PSMD4: variants seen among roughly 807,000 people sequenced by gnomAD.
The protein encoded by PSMD4 is 26S proteasome non-ATPase regulatory subunit 4.
Under a neutral mutation model 39.7 loss-of-function variants are expected in PSMD4, and 5 were observed. That is an observed-to-expected ratio of 0.13 (90% CI 0.07 to 0.26). The LOEUF is 0.26. Ranked by LOEUF, PSMD4 falls within the 10% of genes least tolerant of loss-of-function variation. The pLI, the probability that PSMD4 is intolerant of heterozygous loss-of-function variation, is 1.00. For synonymous variants in PSMD4, 143 were observed against 174.6 expected (o/e 0.82, Z 1.43); for missense variants, 272 against 486.1 (o/e 0.56, Z 4.14).
At chr1:151,265,115 C>T in intron 4 of PSMD4, 51 bp from the exon 5 acceptor site, 4 of 1,377,064 alleles carry the variant, frequency 2.9e-6, no homozygotes, top group Admixed American at 2.5e-5. Flanking sequence ...GGGTCCTTTC[C>T]CCCCCTCGAG....
chr1:151,265,048 T>C, intron 4 of PSMD4, 118 bp from the exon 5 acceptor site: 1 of 1,294,936 alleles, frequency 7.7e-7, no homozygotes, highest in Non-Finnish European at 1.1e-6. Flanking sequence ...GAGAATTCAG[T>C]GATTCTGTTG....
At chr1:151,260,035 C>T (rs1404481052) in intron 1 of PSMD4, among the ~76,000 whole-genome samples, 2 of 151,960 alleles carry the variant, frequency 1.3e-5, no homozygotes, top group Non-Finnish European at 2.9e-5. Context: ...CCCGTCTCTA[C>T]TAAAAATACA....
At chr1:151,260,952 T>TCTCCTGCCTCAAC (rs1693303019) in intron 1 of PSMD4, among the ~76,000 whole-genome samples, 1 of 151,318 alleles carries the variant, frequency 6.6e-6, no homozygotes, top group African/African-American at 2.4e-5. Flanking sequence ...TTCAAGCAAT[T>TCTCCTGCCTCAAC]CTCCTGCCTC....
At chr1:151,255,261 A>T (rs1041810972) in intron 1 of PSMD4, among the ~76,000 whole-genome samples, 3 of 152,084 alleles carry the variant, frequency 2.0e-5, no homozygotes, top group African/African-American at 7.2e-5. Flanking sequence ...CCATTTACAG[A>T]TTGCTTTTTA....
rs764133479 is a variant in PSMD4 at position 151,263,983 on chromosome 1, A to G, written c.237A>G (p.Gln79=). 60 of 1,605,132 alleles carry G rather than the reference A, an allele frequency of 3.7e-5. No homozygotes were observed. The highest frequency in any genetic ancestry group is 5.0e-5 in the Non-Finnish European group (59 of 1,175,896). The change falls in exon 3 of 10, where the codon CAA becomes CAG. Residue 79 remains glutamine, a synonymous_variant. Transcript: ENST00000368884. ...TCCTGTCCAAGCTACATACTGTCCA[A>G]CCCAAGGGCAAGATCACCTTCTGCA... ...GRILSKLHTV[Q]PKGKITFCTG... is the part of the protein sequence containing the mutation.
rs1173569685 is a variant in PSMD4 at position 151,264,821 on chromosome 1, C to T, written c.283-11C>T. 1 of 1,602,404 alleles carries T rather than the reference C, an allele frequency of 6.2e-7. No homozygotes were observed. On this transcript the variant is annotated splice_polypyrimidine_tract_variant and intron_variant, in intron 3 of 9. Coordinates refer to ENST00000368884, the MANE Select transcript of PSMD4 (RefSeq NM_002810.4). ...CTGGTTAACTCTGAGAACTTCCTCT[C>T]CCTTTACAAGCTGGCTCTGAAGCAC...
chr1:151,267,116 C>G, intron 9 of PSMD4, 57 bp from the exon 10 acceptor site: 2 of 1,602,368 alleles, frequency 1.2e-6, no homozygotes, highest in African/African-American at 1.3e-5. Context: ...GTCCTTAACA[C>G]CTGCTTACTT....
intron 3 of PSMD4, among the ~76,000 whole-genome samples, 192 bp downstream of exon 3, chr1:151,264,220 T>G (rs1474813573): frequency 2.0e-5 from 3 of 151,604 alleles, no homozygotes; most frequent in Non-Finnish European, 4.4e-5. Context: ...AATTGAGAAT[T>G]AAGGCTGGGC....
chr1:151,260,848 ATT>A (rs111878731), intron 1 of PSMD4, among the ~76,000 whole-genome samples: 73 of 136,282 alleles, frequency 5.4e-4, no homozygotes, highest in Admixed American at 6.6e-4. Flanking sequence ...TATTTTATAG[ATT>A]TTTTTTTTTT....
Position 151,264,886 on chromosome 1 carries a change from G to A in PSMD4, c.337G>A (p.Val113Met). 6.2e-7 allele frequency: 1 copy of A among 1,613,736 alleles called. No individual in the cohort carries two copies. The highest frequency in any genetic ancestry group is 8.5e-7 in the Non-Finnish European group (1 of 1,179,822). The change falls in exon 4 of 10, where the codon GTG (valine) becomes ATG (methionine). Residue 113 changes from valine (V) to methionine (M), a missense_variant. Physicochemically the swap from Val to Met is conservative, Grantham distance 21 (BLOSUM62 1). Coordinates refer to ENST00000368884, the MANE Select transcript of PSMD4 (RefSeq NM_002810.4). ...KNHKMRIIAF[V>M]GSPVEDNEKD... ...TCACAAGATGCGCATCATTGCCTTT[G>A]TGGGAAGCCCAGTGGAGGACAATGA...
chr1:151,264,610 CAAAA>C (rs374275752), intron 3 of PSMD4, among the ~76,000 whole-genome samples: 2 of 126,668 alleles, frequency 1.6e-5, no homozygotes. Flanking sequence ...GACTCCATCT[CAAAA>C]AAAAAAAAAG....
At position 151,267,344 on chromosome 1, in the gene PSMD4, G is replaced by A; in HGVS notation, c.*1G>A. On this transcript the variant is annotated 3_prime_UTR_variant, in exon 10 of 10. Coordinates refer to ENST00000368884, the MANE Select transcript of PSMD4 (RefSeq NM_002810.4). The stretch of plus-strand genomic sequence containing the variant: ...CAAGAAGGAGGAAGACAAGAAGTGA[G>A]ACTGGAGGGAAAGGGTAGCTGAGTC... 6.2e-7 allele frequency: 1 copy of A among 1,613,758 alleles called. No homozygotes were observed. Among genetic ancestry groups the A allele is most frequent in the Non-Finnish European group, 8.5e-7 (1 of 1,179,714 alleles).
chr1:151,262,014 G>C (rs1283991155), intron 1 of PSMD4, 147 bp from the exon 2 acceptor site: 13 of 781,206 alleles, frequency 1.7e-5, no homozygotes, highest in Non-Finnish European at 2.6e-5. Context: ...GTGGGCTAAG[G>C]CTTGATCATC....
At chr1:151,266,487 G>C (rs923122554) in intron 8 of PSMD4, 33 bp from the exon 9 acceptor site, 1 of 1,614,104 alleles carries the variant, frequency 6.2e-7, no homozygotes, top group Non-Finnish European at 8.5e-7. Flanking sequence ...GGGTGAGGAA[G>C]TGTAACTGAA....
At chr1:151,254,833 G>C in intron 1 of PSMD4, 25 bp downstream of exon 1, 2 of 1,500,142 alleles carry the variant, frequency 1.3e-6, no homozygotes, top group Middle Eastern at 1.8e-4. Flanking sequence ...CGGGGCAGGA[G>C]GGGCAGAGCT....
At chr1:151,262,014 G>T in intron 1 of PSMD4, 147 bp from the exon 2 acceptor site, 2 of 781,310 alleles carry the variant, frequency 2.6e-6, no homozygotes, top group South Asian at 1.9e-5. Flanking sequence ...GTGGGCTAAG[G>T]CTTGATCATC....
At chr1:151,257,715 C>CTTTTTTTTTTTTTTTTTTT (rs71090149) in intron 1 of PSMD4, among the ~76,000 whole-genome samples, 2 of 88,718 alleles carry the variant, frequency 2.3e-5, no homozygotes, top group Non-Finnish European at 4.0e-5. Context: ...ACCTGGCTTT[C>CTTTTTTTTTTTTTTTTTTT]TTTTTTTTTT....
intron 1 of PSMD4, among the ~76,000 whole-genome samples, chr1:151,256,898 C>G (rs948590090): frequency 6.6e-6 from 1 of 151,848 alleles, no homozygotes; most frequent in East Asian, 1.9e-4. Context: ...TACAGGCATG[C>G]GCCACCACGC....
chr1:151,256,688 C>T (rs1458535128), intron 1 of PSMD4, among the ~76,000 whole-genome samples: 1 of 150,900 alleles, frequency 6.6e-6, no homozygotes, highest in African/African-American at 2.4e-5. Context: ...CCACCCGCCT[C>T]AGCCTCCCAA....
Sources: gnomAD v4.1 joint callset for allele counts (sites outside exome capture counted in the v4.1 genomes callset) on GRCh38, gnomAD v4.1.1 for gene constraint, MANE v1.5 for transcripts, NCBI Gene and HGNC (gene_info 2026-07-23, HGNC 2026-07-21) for gene names.